Variants in RALGDS observed in about 807,000 individuals in gnomAD.
RALGDS encodes ral guanine nucleotide dissociation stimulator, also known as ral guanine nucleotide exchange factor.
A neutral mutation model predicts 99.8 loss-of-function variants in RALGDS; 44 were observed. The observed-to-expected ratio is 0.44, with a 90% CI of 0.35 to 0.57. RALGDS has a LOEUF of 0.57. Among genes scored for constraint, RALGDS ranks in the 20% least tolerant of loss-of-function variants. The pLI, the probability that RALGDS is intolerant of heterozygous loss-of-function variation, is 0.01. For synonymous variants in RALGDS, 529 were observed against 505.0 expected, an observed-to-expected ratio of 1.05 and a Z score of -0.64; for missense variants, 1,022 against 1,203.1, an observed-to-expected ratio of 0.85 and a Z score of 2.23.
chr9:133,108,536 C>T (rs1459101156), intron 5 of RALGDS, 130 bp from the exon 6 acceptor site: 7 of 1,403,532 alleles, frequency 5.0e-6, no homozygotes, highest in Non-Finnish European at 5.9e-6. Flanking sequence ...CACTCTCCTG[C>T]CTGTGGTCCC....
chr9:133,114,990 G>A (rs1416669298), intron 1 of RALGDS, among the ~76,000 whole-genome samples: 1 of 152,208 alleles, frequency 6.6e-6, no homozygotes, highest in Non-Finnish European at 1.5e-5. Flanking sequence ...GCCTGGTGGT[G>A]TCTGGTGAGT....
chr9:133,105,866 A>AGCCCCAGCCTGCG (rs1831016645), intron 9 of RALGDS, 66 bp downstream of exon 9: 1 of 11,166 alleles, frequency 9.0e-5, no homozygotes, highest in African/African-American at 3.0e-4. Context: ...CCCCAGCCCC[A>AGCCCCAGCCTGCG]GCCCCCGCCC....
At chr9:133,138,532 G>A (rs1445153007) in intron 1 of RALGDS, among the ~76,000 whole-genome samples, 8 of 152,220 alleles carry the variant, frequency 5.3e-5, no homozygotes, top group African/African-American at 1.9e-4. Flanking sequence ...TGGCTGAGCA[G>A]TTCCCAGCCA....
intron 16 of RALGDS, chr9:133,101,160 C>T (rs1272921663): frequency 3.4e-6 from 4 of 1,192,198 alleles, no homozygotes; most frequent in Non-Finnish European, 4.2e-6. Context: ...CTGGTACCAG[C>T]CCACACCAGA....
intron 1 of RALGDS, among the ~76,000 whole-genome samples, chr9:133,141,949 G>A (rs940423347): frequency 3.3e-5 from 5 of 152,208 alleles, no homozygotes; most frequent in African/African-American, 7.2e-5. Flanking sequence ...GGGAGCCCAC[G>A]GCTGCAGGGC....
chr9:133,148,921 C>G (rs1335537204), intron 1 of RALGDS: 14 of 1,597,238 alleles, frequency 8.8e-6, no homozygotes, highest in Non-Finnish European at 1.2e-5. Flanking sequence ...ATACGGTCCT[C>G]CCTCCACCCG....
In RALGDS at chr9:133,120,128, C is replaced by T. The variant is rs75587196; in HGVS notation, c.183+844G>A. On this transcript the variant is annotated intron_variant, in intron 1 of 17. Coordinates refer to ENST00000372050, the MANE Select transcript of RALGDS (RefSeq NM_006266.4). ...GCGAGGGGGGCATCTCTGGATTCCA[C>T]TCCCTCTGCTGTGTAGTCAGCAGCA... Among the ~76,000 whole-genome samples, 61 of 152,288 alleles carry T rather than the reference C, an allele frequency of 4.0e-4. No individual in the cohort carries two copies. The East Asian group carries it at 8.7e-3, about 22-fold the overall frequency.
chr9:133,141,824 C>T (rs1832528651), intron 1 of RALGDS, among the ~76,000 whole-genome samples: 1 of 152,244 alleles, frequency 6.6e-6, no homozygotes, highest in Admixed American at 6.5e-5. Flanking sequence ...CGAGAAGGGA[C>T]ACACTAAGGT....
upstream of RALGDS, among the ~76,000 whole-genome samples, chr9:133,132,793 C>T (rs1006264554): frequency 1.3e-5 from 2 of 152,086 alleles, no homozygotes; most frequent in African/African-American, 4.8e-5. Flanking sequence ...GCATGCGGCA[C>T]CACGCCCAGC....
rs1262876245 is a variant in RALGDS at position 133,100,498 on chromosome 9, C to T, written c.2455-116G>A. 5 of 1,588,752 alleles carry T rather than the reference C, an allele frequency of 3.1e-6. No individual in the cohort carries two copies. The East Asian group carries it at 1.1e-4, about 36-fold the overall frequency. Reference sequence around the variant, plus strand: ...CAGCACCAAGCACAGGCACTCACAGCCTCTGGCCAGGTGCTGGGTCCGGAG... The same window carrying T: ...CAGCACCAAGCACAGGCACTCACAGTCTCTGGCCAGGTGCTGGGTCCGGAG... On this transcript the variant is annotated intron_variant, in intron 16 of 17. Coordinates refer to ENST00000372050, the MANE Select transcript of RALGDS (RefSeq NM_006266.4).
chr9:133,106,997 TG>T, intron 7 of RALGDS, 87 bp downstream of exon 7: 1 of 1,430,230 alleles, frequency 7.0e-7, no homozygotes. Context: ...AAGGGTAGAC[TG>T]GGGCCTGTAC....
chr9:133,135,948 C>G (rs182453949), upstream of RALGDS, among the ~76,000 whole-genome samples: 2 of 152,242 alleles, frequency 1.3e-5, no homozygotes, highest in East Asian at 3.9e-4. Context: ...ATGTCAACTG[C>G]CATAGAGTTT....
At chr9:133,133,450 G>A (rs1832377173), upstream of RALGDS, among the ~76,000 whole-genome samples, 1 of 152,236 alleles carries the variant, frequency 6.6e-6, no homozygotes, top group African/African-American at 2.4e-5. Context: ...CCAGCCTGGG[G>A]GAGAGCAGGG....
intron 3 of RALGDS, 65 bp from the exon 4 acceptor site, chr9:133,109,786 G>A (rs1178737467): frequency 1.4e-6 from 2 of 1,394,738 alleles, no homozygotes; most frequent in Non-Finnish European, 2.0e-6. Context: ...GGAGGGCAGG[G>A]ATTTTTTTTT....
intron 9 of RALGDS, among the ~76,000 whole-genome samples, chr9:133,105,568 C>T (rs1371325761): frequency 6.6e-6 from 1 of 152,064 alleles, no homozygotes; most frequent in African/African-American, 2.4e-5. Flanking sequence ...CTCCCGGGGA[C>T]AGACTGGGCC....
chr9:133,146,582 G>C (rs1325996452), intron 1 of RALGDS, among the ~76,000 whole-genome samples: 2 of 152,194 alleles, frequency 1.3e-5, no homozygotes, highest in East Asian at 3.8e-4. Context: ...CTGCCTCCTG[G>C]TACATAAGTT....
chr9:133,100,104 C>T, intron 17 of RALGDS, 164 bp downstream of exon 17: 1 of 736,438 alleles, frequency 1.4e-6, no homozygotes, highest in Non-Finnish European at 2.5e-6. Flanking sequence ...CCAGTGGTTG[C>T]TGGGGACAGC....
chr9:133,101,995 G>C lies in RALGDS; in HGVS notation c.2154C>G (p.Asp718Glu). Residue 718 changes from aspartate (D) to glutamate (E), a missense_variant, in exon 15 of 18, where the codon GAC (aspartate) becomes GAG (glutamate). Coordinates refer to ENST00000372050, the MANE Select transcript of RALGDS (RefSeq NM_006266.4). Reference sequence around the variant, plus strand: ...CGAAGCTGATGTTGATCTCCTCCACGTCGGAGCTAGAGGAGCCGGCCGAGT... The same window carrying C: ...CGAAGCTGATGTTGATCTCCTCCACCTCGGAGCTAGAGGAGCCGGCCGAGT... ...SVHSAGSSSS[D>E]VEEINISFVP... 1.3e-6 allele frequency: 2 copies of C among 1,552,162 alleles called. No homozygotes were observed. The highest frequency in any genetic ancestry group is 1.7e-6 in the Non-Finnish European group (2 of 1,147,438).
chr9:133,121,991 A>C (rs1831967642), upstream of RALGDS, among the ~76,000 whole-genome samples: 1 of 152,220 alleles, frequency 6.6e-6, no homozygotes, highest in Non-Finnish European at 1.5e-5. Flanking sequence ...GAGGAGGGGA[A>C]GCCAGGGAGG....
Sources: allele counts gnomAD v4.1 joint callset (sites outside exome capture counted in the v4.1 genomes callset), GRCh38; gene constraint gnomAD v4.1.1; transcripts MANE v1.5; gene names NCBI Gene and HGNC (gene_info 2026-07-23, HGNC 2026-07-21).